Variants in EPB41L2 observed in about 807,000 individuals in gnomAD.
EPB41L2 encodes the protein band 4.1-like protein 2.
A neutral mutation model predicts 113.0 loss-of-function variants in EPB41L2; 43 were observed. The observed-to-expected ratio is 0.38, with a 90% confidence interval of 0.30 to 0.49. The LOEUF (loss-of-function observed/expected upper bound fraction) is 0.49, where lower values mean the gene tolerates loss of function less well. Among genes scored for constraint, EPB41L2 ranks in the 20% least tolerant of loss-of-function variants. EPB41L2 has a pLI of 0.95. For synonymous variants in EPB41L2, 442 were observed against 436.7 expected (o/e 1.01, Z -0.15); for missense variants, 1,147 against 1,223.4 (o/e 0.94, Z 0.93).
Position 130,926,688 on chromosome 6 carries a change from AC to A in EPB41L2, c.726del (p.Leu243TyrfsTer31), listed in dbSNP as rs1242699687. Reference sequence around the variant, plus strand: ...AGGTGTTCACACACTTTGTCAAATAACACTTGTCCCTTGGCATGTTTCTGGA... The same window carrying A: ...AGGTGTTCACACACTTTGTCAAATAAACTTGTCCCTTGGCATGTTTCTGGA... ...CDLEKHAKGQ[V>X]LFDKVCEHLN... On this transcript the variant is annotated frameshift_variant, in exon 4 of 20. Coordinates refer to ENST00000337057, the MANE Select transcript of EPB41L2 (RefSeq NM_001431.4). LOFTEE classifies it high-confidence loss of function. The A allele has an allele frequency of 6.2e-7, 1 of 1,604,270 alleles. No homozygotes were observed. The highest frequency in any genetic ancestry group is 1.1e-5 in the South Asian group (1 of 87,602).
intron 1 of EPB41L2, among the ~76,000 whole-genome samples, chr6:131,055,852 AT>A (rs921977195): frequency 8.0e-5 from 12 of 150,108 alleles, no homozygotes; most frequent in Middle Eastern, 3.4e-3. Flanking sequence ...TAGCTTCCTT[AT>A]TTTTTTTTTA....
Position 130,859,746 on chromosome 6 carries a change from G to T in EPB41L2, c.2911-1503C>A, listed in dbSNP as rs866815350. The stretch of plus-strand genomic sequence containing the variant: ...CTCGTTTCGTTTAAAAAAAGGTAAA[G>T]CTACCAAAAAAAAAAAAAAGACATC... On this transcript the variant is annotated intron_variant, in intron 18 of 19. Transcript: ENST00000337057. Among the ~76,000 whole-genome samples, 14 of 129,612 alleles carry T rather than the reference G, an allele frequency of 1.1e-4. No homozygotes were observed. In the South Asian group the frequency reaches 3.7e-3, roughly 34 times the overall value. 85.0% of individuals were successfully genotyped at this position (129,612 alleles called of 152,430 possible).
intron 1 of EPB41L2, among the ~76,000 whole-genome samples, chr6:131,046,451 G>GA (rs1562794506): frequency 6.6e-6 from 1 of 151,978 alleles, no homozygotes; most frequent in African/African-American, 2.4e-5. Flanking sequence ...AAACAAAAGG[G>GA]AAAAAACAGT....
At chr6:130,962,541 C>T (rs1773846841) in intron 1 of EPB41L2, among the ~76,000 whole-genome samples, 1 of 152,096 alleles carries the variant, frequency 6.6e-6, no homozygotes, top group Admixed American at 6.6e-5. Context: ...ATGCTGCTCA[C>T]CCTAGTTACC....
chr6:130,855,879 G>A (rs942049162), intron 19 of EPB41L2, among the ~76,000 whole-genome samples: 1 of 151,988 alleles, frequency 6.6e-6, no homozygotes, highest in Non-Finnish European at 1.5e-5. Flanking sequence ...GGTGGTGGGG[G>A]GAGGGGGTGC....
At chr6:131,024,978 G>A (rs1271417003) in intron 1 of EPB41L2, among the ~76,000 whole-genome samples, 1 of 151,660 alleles carries the variant, frequency 6.6e-6, no homozygotes, top group Non-Finnish European at 1.5e-5. Context: ...CATTCTATGG[G>A]TATCATTCCA....
At position 131,045,231 on chromosome 6, in the gene EPB41L2, A is replaced by T. The variant is rs185083794; in HGVS notation, c.-15+17924T>A. ...ATTGAACAAATATCTATTAGTGCATACTATGTACCCCTTAAAATGAGGTAT... is the reference window on the plus strand; with the variant it reads ...ATTGAACAAATATCTATTAGTGCATTCTATGTACCCCTTAAAATGAGGTAT... On this transcript the variant is annotated intron_variant, in intron 1 of 19. Coordinates refer to ENST00000337057, the MANE Select transcript of EPB41L2 (RefSeq NM_001431.4). Among the ~76,000 whole-genome samples the T allele has an allele frequency of 2.7e-5, 4 of 147,302 alleles. No individual in the cohort carries two copies. In the East Asian group the frequency reaches 5.8e-4, roughly 21 times the overall value.
intron 3 of EPB41L2, among the ~76,000 whole-genome samples, chr6:130,940,858 G>A (rs780890305): frequency 1.3e-5 from 2 of 152,016 alleles, no homozygotes; most frequent in Admixed American, 6.6e-5. Flanking sequence ...GCACTTCTGT[G>A]CTTTTGTATT....
intron 4 of EPB41L2, among the ~76,000 whole-genome samples, chr6:130,912,277 T>C (rs1799646805): frequency 6.6e-6 from 1 of 152,206 alleles, no homozygotes; most frequent in African/African-American, 2.4e-5. Context: ...TTTATTCAGA[T>C]ATATAAAGCA....
intron 14 of EPB41L2, 139 bp from the exon 15 acceptor site, chr6:130,870,265 G>T: frequency 6.5e-7 from 1 of 1,541,120 alleles, no homozygotes. Flanking sequence ...AAGGGAAGCG[G>T]GGCAAACGTG....
At chr6:130,913,195 A>G (rs184389580) in intron 4 of EPB41L2, among the ~76,000 whole-genome samples, 1 of 152,340 alleles carries the variant, frequency 6.6e-6, no homozygotes, top group African/African-American at 2.4e-5. Context: ...AAACCCAGCA[A>G]TATGAGTGAA....
intron 1 of EPB41L2, among the ~76,000 whole-genome samples, chr6:131,014,978 G>A (rs536076156): frequency 6.6e-6 from 1 of 152,252 alleles, no homozygotes; most frequent in African/African-American, 2.4e-5. Flanking sequence ...AAAGAGACCT[G>A]CTTGCCTATA....
rs937721319 is a variant in EPB41L2, at chr6:130,867,735, GAAATA to G, written c.2608-159_2608-155del. On this transcript the variant is annotated intron_variant, in intron 15 of 19. Transcript: ENST00000337057. ...AGCAAACAACCTAAAACAAACAAAA[GAAATA>G]AAAGAAAAATTTTCCTTCAAATATA... is the stretch of plus-strand genomic sequence containing the variant. The G allele has an allele frequency of 1.5e-5, 14 of 959,468 alleles. No individual in the cohort carries two copies. In the Admixed American group the frequency reaches 2.9e-4, roughly 20 times the overall value. 59.4% of individuals were successfully genotyped at this position (959,468 alleles called of 1,614,324 possible). A position where few individuals can be genotyped will look rare whatever the true frequency, so the allele number is the denominator to read the frequency against.
chr6:130,951,887 A>AT (rs1409416234), intron 3 of EPB41L2, among the ~76,000 whole-genome samples: 3 of 152,082 alleles, frequency 2.0e-5, no homozygotes, highest in African/African-American at 7.2e-5. Flanking sequence ...AAACCAGCAT[A>AT]TCCCAGGTAG....
intron 3 of EPB41L2, among the ~76,000 whole-genome samples, chr6:130,937,948 G>GATCC (rs952684365): frequency 6.6e-6 from 1 of 152,094 alleles, no homozygotes; most frequent in African/African-American, 2.4e-5. Context: ...GACGACTGGA[G>GATCC]ATCCTACATC....
At chr6:130,959,846 C>T (rs923075130) in intron 1 of EPB41L2, among the ~76,000 whole-genome samples, 28 of 152,138 alleles carry the variant, frequency 1.8e-4, no homozygotes, top group Non-Finnish European at 3.8e-4. Flanking sequence ...TCTAAGCTAA[C>T]CAAGATAAAT....
At chr6:130,877,342 T>C (rs1351421706) in intron 14 of EPB41L2, among the ~76,000 whole-genome samples, 1 of 152,198 alleles carries the variant, frequency 6.6e-6, no homozygotes, top group Non-Finnish European at 1.5e-5. Context: ...ATGATCACTG[T>C]CCGCTCAAGT....
intron 1 of EPB41L2, among the ~76,000 whole-genome samples, chr6:130,975,171 A>C (rs1175666559): frequency 6.6e-6 from 1 of 152,240 alleles, no homozygotes; most frequent in Non-Finnish European, 1.5e-5. Context: ...CAAATGTCTT[A>C]ATATTCAAAC....
At chr6:130,915,120 G>T (rs1347891259) in intron 4 of EPB41L2, among the ~76,000 whole-genome samples, 1 of 151,882 alleles carries the variant, frequency 6.6e-6, no homozygotes, top group Admixed American at 6.6e-5. Flanking sequence ...CGGCTAAAAC[G>T]GTGAAACCCC....
Sources: gnomAD v4.1 joint callset for allele counts (sites outside exome capture counted in the v4.1 genomes callset) on GRCh38, gnomAD v4.1.1 for gene constraint, MANE v1.5 for transcripts, NCBI Gene and HGNC (gene_info 2026-07-23, HGNC 2026-07-21) for gene names.